Variants in OSBPL5 observed in about 807,000 individuals in gnomAD.
OSBPL5 encodes the protein oxysterol binding protein like 5, also known as oxysterol-binding protein-related protein 5.
Under a neutral mutation model 111.2 loss-of-function variants are expected in OSBPL5, and 71 were observed. The ratio of observed to expected loss-of-function variants is 0.64; its 90% CI spans 0.53 to 0.78. OSBPL5 has a LOEUF of 0.78. Among genes scored for constraint, OSBPL5 ranks in the 30% least tolerant of loss-of-function variants. OSBPL5 has a pLI of 0.00. For missense variants in OSBPL5, 1,210 were observed against 1,189.3 expected, an observed-to-expected ratio of 1.02 and a Z score of -0.26; for synonymous variants, 549 against 513.9, an observed-to-expected ratio of 1.07 and a Z score of -0.93.
At chr11:3,163,444 G>A (rs991909354) in intron 1 of OSBPL5, among the ~76,000 whole-genome samples, 6 of 144,376 alleles carry the variant, frequency 4.2e-5, no homozygotes, top group Non-Finnish European at 7.5e-5. Context: ...TACTATCAGC[G>A]CTCAGAGTGA....
In OSBPL5 at chr11:3,126,501, G is replaced by A. The variant is rs775240909; in HGVS notation, c.191C>T (p.Thr64Ile). Residue 64 changes from threonine to isoleucine, a missense_variant, in exon 3 of 22, where the codon ACC (threonine) becomes ATC (isoleucine). Coordinates refer to ENST00000263650, the MANE Select transcript of OSBPL5 (RefSeq NM_020896.4). The surrounding 1 kb of genome is among the most constrained non-coding windows in gnomAD (Gnocchi z 6.5). Reference sequence around the variant, plus strand: ...TGGCACCTTCGTGGCAGAGCTTGGGGTCGGGGGCCCTTCATCCCTGGGCAG... The same window carrying A: ...TGGCACCTTCGTGGCAGAGCTTGGGATCGGGGGCCCTTCATCCCTGGGCAG... ...PSLPRDEGPPTPSSATKVPPA... is the reference protein window; with the variant it reads ...PSLPRDEGPPIPSSATKVPPA... The A allele has an allele frequency of 6.2e-7, 1 of 1,609,976 alleles. No individual in the cohort carries two copies. The highest frequency in any genetic ancestry group is 8.5e-7 in the Non-Finnish European group (1 of 1,178,786).
Position 3,122,573 on chromosome 11 carries a change from C to G in OSBPL5, c.220-145G>C, listed in dbSNP as rs1006981686. On this transcript the variant is annotated intron_variant, in intron 3 of 21. Coordinates refer to ENST00000263650, the MANE Select transcript of OSBPL5 (RefSeq NM_020896.4). ...TTCCCGCCTGGCACCCTCCATCCCC[C>G]CCACCAGCACTTCCGGGGCTGCCAT... is the stretch of plus-strand genomic sequence containing the variant. The G allele has an allele frequency of 5.3e-5, 36 of 674,804 alleles. No individual in the cohort carries two copies. In the African/African-American group the frequency reaches 6.3e-4, roughly 12 times the overall value. 41.8% of individuals were successfully genotyped at this position (674,804 alleles called of 1,614,324 possible).
Position 3,142,435 on chromosome 11 carries a change from C to T in OSBPL5, c.-21-13266G>A, listed in dbSNP as rs1387080939. On this transcript the variant is annotated intron_variant, in intron 1 of 21. Transcript: ENST00000263650. This position sits in a 1 kb window ranked among gnomAD's most constrained non-coding sequence, Gnocchi z 7.1. ...ACCTCTCCACCACGACCCCTCCATGCCCTGCTGCCACAAGGGCCCAGGATC... is the reference window on the plus strand; with the variant it reads ...ACCTCTCCACCACGACCCCTCCATGTCCTGCTGCCACAAGGGCCCAGGATC... Among the ~76,000 whole-genome samples the T allele has an allele frequency of 6.6e-6, 1 of 152,234 alleles. No homozygotes were observed. The highest frequency in any genetic ancestry group is 2.4e-5 in the African/African-American group (1 of 41,464).
intron 2 of OSBPL5, among the ~76,000 whole-genome samples, chr11:3,127,762 C>G (rs1858677870): frequency 6.6e-6 from 1 of 152,012 alleles, no homozygotes; most frequent in Non-Finnish European, 1.5e-5. Context: ...TTGGACCACT[C>G]AAAGGGATAG....
rs369160220 is a variant in OSBPL5 at position 3,105,557 on chromosome 11, C to T, written c.1060-1180G>A. On this transcript the variant is annotated intron_variant, in intron 9 of 21. Transcript: ENST00000263650. The surrounding 1 kb of genome is among the most constrained non-coding windows in gnomAD (Gnocchi z 5.2). ...TTAACCCTCTCCACCAGGCTTCTGC[C>T]GTCTTCTCTACTGAGACTGTCTTGC... Among the ~76,000 whole-genome samples, 3 of 152,132 alleles carry T rather than the reference C, an allele frequency of 2.0e-5. No homozygotes were observed. Among genetic ancestry groups the T allele is most frequent in the South Asian group, 2.1e-4 (1 of 4,832 alleles).
Position 3,093,560 on chromosome 11 carries a change from G to C in OSBPL5, c.1913C>G (p.Pro638Arg). ...CTCCAGCTCCGTCTGCTCCTCCAGC[G>C]GCACCGTGTGCTGCCTCAGCCTCTG... ...RRQRLRQHTV[P>R]LEEQTELESE... Residue 638 changes from proline to arginine, a missense_variant, in exon 17 of 22, where the codon CCG becomes CGG. Pro to Arg is a moderately radical substitution (Grantham distance 103). Transcript: ENST00000263650. 1 of 1,611,458 alleles carries C rather than the reference G, an allele frequency of 6.2e-7. No homozygotes were observed. Among genetic ancestry groups the C allele is most frequent in the Non-Finnish European group, 8.5e-7 (1 of 1,179,914 alleles).
At chr11:3,159,923 A>AC (rs1185750154) in intron 1 of OSBPL5, among the ~76,000 whole-genome samples, 6 of 152,056 alleles carry the variant, frequency 3.9e-5, no homozygotes, top group Non-Finnish European at 8.8e-5. Flanking sequence ...AACTCTGCTG[A>AC]CCCTGGCACC....
Position 3,105,596 on chromosome 11 carries a change from C to T in OSBPL5, c.1060-1219G>A, listed in dbSNP as rs894906457. On this transcript the variant is annotated intron_variant, in intron 9 of 21. Transcript: ENST00000263650. The surrounding 1 kb of genome is among the most constrained non-coding windows in gnomAD (Gnocchi z 5.2). ...AGACTGTCTTGCCGTAGGTCCCCAC[C>T]ACTCCTCACTGGTCCAGCAGCCATC... Among the ~76,000 whole-genome samples the T allele has an allele frequency of 6.6e-6, 1 of 152,146 alleles. No individual in the cohort carries two copies. Among genetic ancestry groups the T allele is most frequent in the Non-Finnish European group, 1.5e-5 (1 of 68,022 alleles).
At chr11:3,155,777 C>T (rs749918178) in intron 1 of OSBPL5, among the ~76,000 whole-genome samples, 2 of 152,252 alleles carry the variant, frequency 1.3e-5, no homozygotes, top group Non-Finnish European at 2.9e-5. Context: ...GGAGATGCCG[C>T]GGGTCTGGGG....
Position 3,093,039 on chromosome 11 carries a change from C to T in OSBPL5, c.1960G>A (p.Val654Ile), listed in dbSNP as rs780888007. The T allele has an allele frequency of 1.2e-5, 19 of 1,586,546 alleles. No individual in the cohort carries two copies. The highest frequency in any genetic ancestry group is 6.7e-5 in the African/African-American group (5 of 74,568). ...TCGCCCTTGCTGATGGCCCTGGTGA[C>T]GTGCTGCCAGAGCCTGCGGGCCAGT... is the stretch of plus-strand genomic sequence containing the variant. ...ELESERLWQHVTRAISKGDQH... is the reference protein window; with the variant it reads ...ELESERLWQHITRAISKGDQH... The change falls in exon 18 of 22, where the codon GTC (valine) becomes ATC (isoleucine). Residue 654 changes from valine (V) to isoleucine (I), a missense_variant. Coordinates refer to ENST00000263650, the MANE Select transcript of OSBPL5 (RefSeq NM_020896.4).
In OSBPL5 at chr11:3,147,359, T is replaced by G. The variant is rs562616454; in HGVS notation, c.-22+17857A>C. Among the ~76,000 whole-genome samples the G allele has an allele frequency of 3.9e-5, 6 of 152,340 alleles. No individual in the cohort carries two copies. In the South Asian group the frequency reaches 1.0e-3, roughly 26 times the overall value. On this transcript the variant is annotated intron_variant, in intron 1 of 21. Coordinates refer to ENST00000263650, the MANE Select transcript of OSBPL5 (RefSeq NM_020896.4). ...GCCTGGGCACGGCTCCTGCCTCTGC[T>G]GGCCGACCTGGCTTGACCTCAAGCG...
chr11:3,138,069 G>A (rs1230830103), intron 1 of OSBPL5, among the ~76,000 whole-genome samples: 3 of 152,240 alleles, frequency 2.0e-5, no homozygotes, highest in Non-Finnish European at 4.4e-5. Context: ...AGCCATGCCT[G>A]CGTGTTCTCC....
At chr11:3,125,079 G>T (rs1016210444) in intron 3 of OSBPL5, among the ~76,000 whole-genome samples, 7 of 152,120 alleles carry the variant, frequency 4.6e-5, no homozygotes, top group African/African-American at 1.7e-4. Context: ...GGCCAGGTGG[G>T]TACCCCGTCC....
chr11:3,120,789 C>T (rs997263558), intron 5 of OSBPL5, among the ~76,000 whole-genome samples, 165 bp from the exon 6 acceptor site: 5 of 152,226 alleles, frequency 3.3e-5, no homozygotes, highest in Non-Finnish European at 5.9e-5. Context: ...CTTCCTCACC[C>T]TCACTCCCTG....
rs186791426 is a variant in OSBPL5 at position 3,125,713 on chromosome 11, G to A, written c.219+760C>T. 7.2e-5 allele frequency among the ~76,000 whole-genome samples: 11 copies of A among 152,090 alleles called. No individual in the cohort carries two copies. In the South Asian group the frequency reaches 2.1e-3, roughly 29 times the overall value. ...CCAGCTACTCGGGAGGCTGAGGCAGGGGCATGGTGTGAACCCGGGAGGCGG... is the reference window on the plus strand; with the variant it reads ...CCAGCTACTCGGGAGGCTGAGGCAGAGGCATGGTGTGAACCCGGGAGGCGG... On this transcript the variant is annotated intron_variant, in intron 3 of 21. Coordinates refer to ENST00000263650, the MANE Select transcript of OSBPL5 (RefSeq NM_020896.4).
At chr11:3,119,398 G>T in intron 7 of OSBPL5, 149 bp downstream of exon 7, 1 of 716,362 alleles carries the variant, frequency 1.4e-6, no homozygotes, top group Non-Finnish European at 2.1e-6. Flanking sequence ...GCCTGACTCC[G>T]AGCCGGGCTC....
At chr11:3,156,363 G>A (rs1225533573) in intron 1 of OSBPL5, among the ~76,000 whole-genome samples, 2 of 152,196 alleles carry the variant, frequency 1.3e-5, no homozygotes, top group Non-Finnish European at 2.9e-5. Context: ...TGCAGAGGGC[G>A]GTCAACTACT....
chr11:3,109,026 C>T lies in OSBPL5; in HGVS notation c.692-1081G>A, dbSNP rs1857815019. Among the ~76,000 whole-genome samples the T allele has an allele frequency of 6.6e-6, 1 of 152,084 alleles. No individual in the cohort carries two copies. The highest frequency in any genetic ancestry group is 1.5e-5 in the Non-Finnish European group (1 of 68,032). On this transcript the variant is annotated intron_variant, in intron 7 of 21. Transcript: ENST00000263650. The surrounding 1 kb of genome is among the most constrained non-coding windows in gnomAD (Gnocchi z 7.4). ...CAGGTGATCTGCCTGCCTTGGCCTCCCAAAGTGCTGGGATTACAGGTGTGA... is the reference window on the plus strand; with the variant it reads ...CAGGTGATCTGCCTGCCTTGGCCTCTCAAAGTGCTGGGATTACAGGTGTGA...
chr11:3,146,300 G>T lies in OSBPL5; in HGVS notation c.-21-17131C>A, dbSNP rs111991602. 6.6e-6 allele frequency: 1 copy of T among 152,242 alleles called. No individual in the cohort carries two copies. Among genetic ancestry groups the T allele is most frequent in the Non-Finnish European group, 1.5e-5 (1 of 68,096 alleles). 9.4% of individuals were successfully genotyped at this position (152,242 alleles called of 1,614,324 possible). On this transcript the variant is annotated intron_variant, in intron 1 of 21. Transcript: ENST00000263650. This position sits in a 1 kb window ranked among gnomAD's most constrained non-coding sequence, Gnocchi z 7.8. ...CTTTCCTGCGGGAAACCCCCAGGGC[G>T]TGTGGGACTCTTTGAGGAGACAGAG...
Sources: allele counts gnomAD v4.1 joint callset (sites outside exome capture counted in the v4.1 genomes callset), GRCh38; gene constraint gnomAD v4.1.1; non-coding constraint Gnocchi (gnomAD v3.1); transcripts MANE v1.5; gene names NCBI Gene and HGNC (gene_info 2026-07-23, HGNC 2026-07-21).